Variants in PLXNA3 observed in about 807,000 individuals in gnomAD.
PLXNA3 encodes the protein plexin A3.
A neutral mutation model predicts 118.8 loss-of-function variants in PLXNA3; 52 were observed. That is an observed-to-expected ratio of 0.44 (90% CI 0.35 to 0.55). The LOEUF (loss-of-function observed/expected upper bound fraction) is 0.55. Among genes scored for constraint, PLXNA3 ranks in the 20% least tolerant of loss-of-function variants. PLXNA3 has a pLI of 0.01. For missense variants in PLXNA3, 1,660 were observed against 1,730.8 expected, an observed-to-expected ratio of 0.96 and a Z score of 0.73; for synonymous variants, 925 against 762.4, an observed-to-expected ratio of 1.21 and a Z score of -3.51.
chrX:154,467,875 C>A lies in PLXNA3; in HGVS notation c.3694C>A (p.Leu1232Met), dbSNP rs112444185. 1 of 1,209,106 alleles carries A rather than the reference C, an allele frequency of 8.3e-7. No homozygotes were observed. Residue 1232 changes from leucine to methionine, a missense_variant, in exon 21 of 33, where the codon CTG (leucine) becomes ATG (methionine). Physicochemically the swap from Leu to Met is conservative, Grantham distance 15. This residue lies in a region of PLXNA3 where 869 missense variants were observed against 1,078.7 expected (regional missense o/e 0.81). Coordinates refer to ENST00000369682, the MANE Select transcript of PLXNA3 (RefSeq NM_017514.5). ...GCTGGCGGCGGGGGGTGGGCTCCTG[C>A]TGCTGGCCATCACAGCCGTGCTGGT... ...MGLAAGGGLL[L>M]LAITAVLVAY...
Position 154,462,000 on chromosome X carries a change from G to A in PLXNA3, c.1135-128G>A, listed in dbSNP as rs782108469. 887 of 539,084 alleles carry A rather than the reference G, an allele frequency of 1.6e-3. 2 individuals are homozygous for A. The highest frequency in any genetic ancestry group is 2.2e-3 in the Non-Finnish European group (742 of 333,519). 44.4% of individuals were successfully genotyped at this position (539,084 alleles called of 1,213,427 possible). ...CCAATTTCCTGGAGCACCCTAGGGCGAGCAGTCAGTCCTGGCTGGAGGGGA... is the reference window on the plus strand; with the variant it reads ...CCAATTTCCTGGAGCACCCTAGGGCAAGCAGTCAGTCCTGGCTGGAGGGGA... On this transcript the variant is annotated intron_variant, in intron 3 of 32. Transcript: ENST00000369682.
rs2068960166 is a variant in PLXNA3, at chrX:154,461,490, C to T, written c.986C>T (p.Ala329Val). 3 of 1,211,864 alleles carry T rather than the reference C, an allele frequency of 2.5e-6. No individual in the cohort carries two copies. The highest frequency in any genetic ancestry group is 2.2e-6 in the Non-Finnish European group (2 of 895,501). The part of the protein sequence containing the change: ...TIFSQGQKNR[A>V]SPPRQTILCL... ...TTCTCTCAGGGCCAGAAGAACCGGG[C>T]CAGCCCACCCCGGCAGACCATCCTC... The change falls in exon 3 of 33, where the codon GCC becomes GTC. Residue 329 changes from alanine to valine, a missense_variant. By Grantham distance (64) the Ala-to-Val change is moderately conservative. Coordinates refer to ENST00000369682, the MANE Select transcript of PLXNA3 (RefSeq NM_017514.5).
At position 154,471,128 on chromosome X, in the gene PLXNA3, A is replaced by G. The variant is rs1557209323; in HGVS notation, c.5180A>G (p.Asn1727Ser). ...SNCLPLRFWV[N>S]VIKNPQFVFD... The stretch of plus-strand genomic sequence containing the variant: ...AGCCTGCCGCTGCGCTTCTGGGTGA[A>G]TGTGATCAAGAACCCGCAGTTCGTG... Residue 1727 changes from asparagine (N) to serine (S), a missense_variant, in exon 31 of 33, where the codon AAT (asparagine) becomes AGT (serine). Transcript: ENST00000369682. 8.3e-7 allele frequency: 1 copy of G among 1,210,764 alleles called. No individual in the cohort carries two copies. Among genetic ancestry groups the G allele is most frequent in the Non-Finnish European group, 1.1e-6 (1 of 895,060 alleles).
In PLXNA3 at chrX:154,471,166, A is replaced by G. The variant is rs2069178103; in HGVS notation, c.5218A>G (p.Lys1740Glu). 1.7e-6 allele frequency: 2 copies of G among 1,209,067 alleles called. No homozygotes were observed. Among genetic ancestry groups the G allele is most frequent in the East Asian group, 3.0e-5 (1 of 33,756 alleles). ...CCCGCAGTTCGTGTTCGACATCCAC[A>G]AGAACAGCATCACGGATGCCTGCCT... ...KNPQFVFDIH[K>E]NSITDACLSV... Residue 1740 changes from lysine (K) to glutamate (E), a missense_variant, in exon 31 of 33, where the codon AAG becomes GAG. Coordinates refer to ENST00000369682, the MANE Select transcript of PLXNA3 (RefSeq NM_017514.5).
Position 154,473,868 on chromosome X carries a change from T to TGCCA in PLXNA3, c.*1184_*1187dup, listed in dbSNP as rs2069216655. 8.9e-6 allele frequency: 1 copy of TGCCA among 112,002 alleles called. No individual in the cohort carries two copies. The highest frequency in any genetic ancestry group is 3.2e-5 in the African/African-American group (1 of 30,774). 9.2% of individuals were successfully genotyped at this position (112,002 alleles called of 1,213,427 possible). On this transcript the variant is annotated 3_prime_UTR_variant, in exon 33 of 33. Coordinates refer to ENST00000369682, the MANE Select transcript of PLXNA3 (RefSeq NM_017514.5). The stretch of plus-strand genomic sequence containing the variant: ...CCACCACCCCCACCCAGCTCTCCTG[T>TGCCA]GCCATCGTCTATCTCTGCCTGGATG...
Position 154,461,589 on chromosome X carries a change from C to G in PLXNA3, c.1085C>G (p.Thr362Ser). ...CAGTCCTGCTATCGTGGGGAGGGCA[C>G]TCTGGCTCTGCCCTGGCTGCTGAAC... Reference protein sequence around the residue: ...RIQSCYRGEGTLALPWLLNKE... With the variant: ...RIQSCYRGEGSLALPWLLNKE... Residue 362 changes from threonine (T) to serine (S), a missense_variant, in exon 3 of 33, where the codon ACT becomes AGT. Thr to Ser is a moderately conservative substitution (Grantham distance 58). Coordinates refer to ENST00000369682, the MANE Select transcript of PLXNA3 (RefSeq NM_017514.5). The G allele has an allele frequency of 8.3e-7, 1 of 1,204,079 alleles. No individual in the cohort carries two copies. Among genetic ancestry groups the G allele is most frequent in the Non-Finnish European group, 1.1e-6 (1 of 894,438 alleles).
chrX:154,467,696 G>A lies in PLXNA3; in HGVS notation c.3585+8G>A, dbSNP rs782380169. ...GGCCGGCAGCCTGTCATGGTAGGTG[G>A]GGATGGGGAGACCCCCTGGGCAGCC... On this transcript the variant is annotated splice_region_variant and intron_variant, in intron 20 of 32. Coordinates refer to ENST00000369682, the MANE Select transcript of PLXNA3 (RefSeq NM_017514.5). 28 of 1,206,185 alleles carry A rather than the reference G, an allele frequency of 2.3e-5. No homozygotes were observed. In the South Asian group the frequency reaches 4.8e-4, roughly 21 times the overall value.
At chrX:154,466,949 C>A in intron 17 of PLXNA3, 108 bp from the exon 18 acceptor site, 2 of 874,908 alleles carry the variant, frequency 2.3e-6, no homozygotes, top group Non-Finnish European at 3.3e-6. Flanking sequence ...ACCCACTAGG[C>A]GATCCAGGGT....
At chrX:154,461,729 GCTTTGCCATGGCCCTGGGAGTGGCAC>G in intron 3 of PLXNA3, 91 bp downstream of exon 3, 2 of 924,185 alleles carry the variant, frequency 2.2e-6, no homozygotes, top group Non-Finnish European at 1.5e-6. Flanking sequence ...CCTGTCCCAG[GCTTTGCCATGGCCCTGGGAGTGGCAC>G]CTTTGCCCTC....
chrX:154,472,551 C>T, intron 32 of PLXNA3, 39 bp from the exon 33 acceptor site: 1 of 972,233 alleles, frequency 1.0e-6, no homozygotes, highest in South Asian at 1.9e-5. Flanking sequence ...GAGCTGCGCC[C>T]CCTACAGAGC....
rs376086499 is a variant in PLXNA3 at position 154,461,360 on chromosome X, G to A, written c.856G>A (p.Gly286Ser). ...VEFPIGCSWR[G>S]VEYRLVQSAH... ...ATTCCCCATCGGCTGCTCCTGGCGC[G>A]GCGTGGAGTACCGCTTGGTGCAGAG... The change falls in exon 3 of 33, where the codon GGC becomes AGC. Residue 286 changes from glycine to serine, a missense_variant. Coordinates refer to ENST00000369682, the MANE Select transcript of PLXNA3 (RefSeq NM_017514.5). The A allele has an allele frequency of 3.6e-5, 43 of 1,211,190 alleles. No individual in the cohort carries two copies. The highest frequency in any genetic ancestry group is 2.3e-4 in the Middle Eastern group (1 of 4,371).
In PLXNA3 at chrX:154,471,527, C is replaced by T; in HGVS notation, c.5409C>T (p.Asp1803=). The part of the protein sequence containing the change: ...RDIAKMASIS[D]QDMDAYLVEQ... ...TTGCAAAGATGGCATCCATCAGCGA[C>T]CAGGACATGGATGCCTACCTGGTGG... is the stretch of plus-strand genomic sequence containing the variant. Residue 1803 remains aspartate (D), a synonymous_variant, in exon 32 of 33, where the codon GAC becomes GAT. Coordinates refer to ENST00000369682, the MANE Select transcript of PLXNA3 (RefSeq NM_017514.5). The T allele has an allele frequency of 8.3e-7, 1 of 1,207,306 alleles. No homozygotes were observed. Among genetic ancestry groups the T allele is most frequent in the South Asian group, 1.8e-5 (1 of 56,882 alleles).
intron 2 of PLXNA3, 141 bp from the exon 3 acceptor site, chrX:154,460,958 G>A: frequency 1.5e-6 from 1 of 653,920 alleles, no homozygotes; most frequent in Non-Finnish European, 2.3e-6. Flanking sequence ...AGGGAGGCTG[G>A]TCACCCTGCC....
At chrX:154,469,585 C>T in intron 27 of PLXNA3, 103 bp downstream of exon 27, 1 of 789,968 alleles carries the variant, frequency 1.3e-6, no homozygotes, top group South Asian at 2.1e-5. Flanking sequence ...TCCCCTCGCC[C>T]TTCTCCCTGG....
Position 154,470,617 on chromosome X carries a change from AC to A in PLXNA3, c.5156+10del. 3 of 1,206,051 alleles carry A rather than the reference AC, an allele frequency of 2.5e-6. No individual in the cohort carries two copies. Among genetic ancestry groups the A allele is most frequent in the Non-Finnish European group, 3.4e-6 (3 of 892,227 alleles). On this transcript the variant is annotated splice_region_variant and intron_variant, in intron 30 of 32. Transcript: ENST00000369682. ...CACACCTGGAAGAGCAACTGGTATC[AC>A]CCCGTGCTGGGCTGCCAGCAGCCTG...
Position 154,469,991 on chromosome X carries a change from A to G in PLXNA3, c.4810A>G (p.Thr1604Ala). ...SLSRYESLLRTASSPDSLRSR... is the reference protein window; with the variant it reads ...SLSRYESLLRAASSPDSLRSR... Reference sequence around the variant, plus strand: ...CTCTGCTCCAGAGAGCTTGCTCCGCACGGCCAGCAGCCCTGATAGCCTCCG... The same window carrying G: ...CTCTGCTCCAGAGAGCTTGCTCCGCGCGGCCAGCAGCCCTGATAGCCTCCG... The change falls in exon 29 of 33, where the codon ACG becomes GCG. Residue 1604 changes from threonine to alanine, a missense_variant. Physicochemically the swap from Thr to Ala is moderately conservative, Grantham distance 58 (BLOSUM62 0). Around this residue, in one of 2 missense-constraint regions of PLXNA3, gnomAD observed 869 missense variants for 1,078.7 expected, o/e 0.81. Coordinates refer to ENST00000369682, the MANE Select transcript of PLXNA3 (RefSeq NM_017514.5). The G allele has an allele frequency of 1.7e-6, 2 of 1,211,014 alleles. No homozygotes were observed. The highest frequency in any genetic ancestry group is 3.5e-5 in the South Asian group (2 of 57,008).
At position 154,463,727 on chromosome X, in the gene PLXNA3, C is replaced by A. The variant is rs782610556; in HGVS notation, c.1547+37C>A. On this transcript the variant is annotated intron_variant, in intron 6 of 32. Coordinates refer to ENST00000369682, the MANE Select transcript of PLXNA3 (RefSeq NM_017514.5). ...GACCCCTGCTCGGGGAGTTGGAGGG[C>A]CCCACTGGCCAGGGGGAGCCAGCCA... is the stretch of plus-strand genomic sequence containing the variant. The A allele has an allele frequency of 2.8e-6, 3 of 1,086,204 alleles. No individual in the cohort carries two copies. The African/African-American group carries it at 5.5e-5, about 20-fold the overall frequency. The allele number at this position is 1,086,204 out of a possible 1,213,427, so 89.5% of individuals were successfully genotyped here.
rs782134958 is a variant in PLXNA3 at position 154,460,145 on chromosome X, G to T, written c.-27-12G>T. 2 of 979,736 alleles carry T rather than the reference G, an allele frequency of 2.0e-6. No homozygotes were observed. Among genetic ancestry groups the T allele is most frequent in the Non-Finnish European group, 2.9e-6 (2 of 698,771 alleles). 80.7% of individuals were successfully genotyped at this position (979,736 alleles called of 1,213,427 possible). A position where few individuals can be genotyped will look rare whatever the true frequency, so the allele number is the denominator to read the frequency against. ...TCGAGGCCTCTGACTCCCACACACCGTCTCTCCCTAGGCCTGTCCCCAGGC... is the reference window on the plus strand; with the variant it reads ...TCGAGGCCTCTGACTCCCACACACCTTCTCTCCCTAGGCCTGTCCCCAGGC... On this transcript the variant is annotated splice_polypyrimidine_tract_variant and intron_variant, in intron 1 of 32. Transcript: ENST00000369682.
chrX:154,472,866 C>T lies in PLXNA3; in HGVS notation c.*181C>T. The T allele has an allele frequency of 2.4e-6, 1 of 415,225 alleles. No individual in the cohort carries two copies. Among genetic ancestry groups the T allele is most frequent in the Non-Finnish European group, 4.3e-6 (1 of 231,030 alleles). The allele number at this position is 415,225 out of a possible 1,213,427, so 34.2% of individuals were successfully genotyped here. ...CCCTTCATTAGTGCCTTGCTTTGGG[C>T]CCTGCAGGGGGAGGGGTGACAGGGC... On this transcript the variant is annotated 3_prime_UTR_variant, in exon 33 of 33. Transcript: ENST00000369682.
Sources: allele counts gnomAD v4.1 joint callset, GRCh38; gene constraint gnomAD v4.1.1; regional missense constraint gnomAD v4.1.1; transcripts MANE v1.5; gene names NCBI Gene and HGNC (gene_info 2026-07-23, HGNC 2026-07-21).